Variants in TMEM245 observed in about 807,000 individuals in gnomAD.
TMEM245 encodes transmembrane protein 245.
TMEM245 carries 69 observed loss-of-function variants against 101.2 expected under a neutral mutation model. That is an observed-to-expected ratio of 0.68 (90% confidence interval 0.56 to 0.83). TMEM245 has a LOEUF of 0.83. TMEM245 is among the 40% of genes least tolerant of loss of function. The pLI is 0.00. For missense variants in TMEM245, 1,075 were observed against 1,092.8 expected, an observed-to-expected ratio of 0.98 and a Z score of 0.23; for synonymous variants, 537 against 449.8, an observed-to-expected ratio of 1.19 and a Z score of -2.45.
chr9:109,119,330 C>T lies in TMEM245; in HGVS notation c.579+5G>A. On this transcript the variant is annotated splice_donor_5th_base_variant and intron_variant, in intron 1 of 17. Coordinates refer to ENST00000374586, the MANE Select transcript of TMEM245 (RefSeq NM_032012.4). ...GGGGACGGGGGCGGACTGCCGCTCA[C>T]TCACCCACAGGCTGCTGAAGTAGTC... The T allele has an allele frequency of 6.6e-7, 1 of 1,526,116 alleles. No homozygotes were observed. The highest frequency in any genetic ancestry group is 8.8e-7 in the Non-Finnish European group (1 of 1,141,142). 94.5% of individuals were successfully genotyped at this position (1,526,116 alleles called of 1,614,324 possible).
At chr9:109,029,366 C>A (rs1011427781) in intron 17 of TMEM245, among the ~76,000 whole-genome samples, 2 of 151,948 alleles carry the variant, frequency 1.3e-5, no homozygotes, top group Non-Finnish European at 2.9e-5. Context: ...GGACAGAAAC[C>A]GTAGATAAAC....
At chr9:109,057,042 T>C in intron 12 of TMEM245, 149 bp downstream of exon 12, 1 of 837,512 alleles carries the variant, frequency 1.2e-6, no homozygotes, top group Non-Finnish European at 1.8e-6. Context: ...CTTTTGAACA[T>C]CATCCTAGTG....
chr9:109,036,346 C>G lies in TMEM245; in HGVS notation c.2259G>C (p.Leu753=). 6.2e-7 allele frequency: 1 copy of G among 1,612,146 alleles called. No individual in the cohort carries two copies. Among genetic ancestry groups the G allele is most frequent in the Non-Finnish European group, 8.5e-7 (1 of 1,179,604 alleles). Reference sequence around the variant, plus strand: ...CAGGTACTGCTGCCCAGTATGTCCCCAGGAATGGCACTGCTCCAAGGATTG... The same window carrying G: ...CAGGTACTGCTGCCCAGTATGTCCCGAGGAATGGCACTGCTCCAAGGATTG... ...LAAILGAVPF[L]GTYWAAVPAV... The change falls in exon 16 of 18, where the codon CTG becomes CTC. Residue 753 remains leucine (L), a synonymous_variant. Coordinates refer to ENST00000374586, the MANE Select transcript of TMEM245 (RefSeq NM_032012.4).
At chr9:109,038,291 A>C in intron 14 of TMEM245, 174 bp from the exon 15 acceptor site, 1 of 452,218 alleles carries the variant, frequency 2.2e-6, no homozygotes, top group Non-Finnish European at 3.9e-6. Flanking sequence ...CTTTAAATAC[A>C]TTTACTAAGT....
intron 3 of TMEM245, among the ~76,000 whole-genome samples, chr9:109,094,822 C>T (rs1403812209): frequency 2.6e-5 from 4 of 152,210 alleles, no homozygotes; most frequent in Non-Finnish European, 5.9e-5. Context: ...TGAGACATTA[C>T]TTTTGGTAGG....
In TMEM245 at chr9:109,038,128, C is replaced by CA. The variant is rs759052339; in HGVS notation, c.2124-12dup. ...GCATCAAACACCCCTCTGGAATGCC[C>CA]AAAGATAAAAAGAAAGAGTAAATAA... On this transcript the variant is annotated splice_polypyrimidine_tract_variant and intron_variant, in intron 14 of 17. Coordinates refer to ENST00000374586, the MANE Select transcript of TMEM245 (RefSeq NM_032012.4). The CA allele has an allele frequency of 3.4e-5, 55 of 1,601,580 alleles. No individual in the cohort carries two copies. In the Admixed American group the frequency reaches 5.3e-4, roughly 16 times the overall value.
At position 109,050,236 on chromosome 9, in the gene TMEM245, A is replaced by C. The variant is rs748600039; in HGVS notation, c.2123+47T>G. On this transcript the variant is annotated intron_variant, in intron 14 of 17. Transcript: ENST00000374586. Reference sequence around the variant, plus strand: ...ATGACAAAAAACAGGCTTATCATGGAAAAAAAGTTCTGGGAGAAATAAGAA... The same window carrying C: ...ATGACAAAAAACAGGCTTATCATGGCAAAAAAGTTCTGGGAGAAATAAGAA... 21 of 1,601,170 alleles carry C rather than the reference A, an allele frequency of 1.3e-5. 1 individual carries two copies. The South Asian group carries it at 2.3e-4, about 18-fold the overall frequency.
At chr9:109,063,015 G>A (rs945387786) in intron 10 of TMEM245, among the ~76,000 whole-genome samples, 7 of 152,284 alleles carry the variant, frequency 4.6e-5, no homozygotes, top group East Asian at 3.9e-4. Flanking sequence ...CACAAGTACT[G>A]TTGGTGGTGC....
chr9:109,016,470 T>C lies in TMEM245; in HGVS notation c.*3990A>G, dbSNP rs1054643802. ...TCTGAATTCTGTTACTAACTGGCTG[T>C]ATGTGTATGTCAGACAAGCCACTTA... On this transcript the variant is annotated 3_prime_UTR_variant, in exon 18 of 18. Coordinates refer to ENST00000374586, the MANE Select transcript of TMEM245 (RefSeq NM_032012.4). 6.6e-6 allele frequency: 1 copy of C among 152,214 alleles called. No homozygotes were observed. The highest frequency in any genetic ancestry group is 2.4e-5 in the African/African-American group (1 of 41,458). The allele number at this position is 152,214 out of a possible 1,614,324, so 9.4% of individuals were successfully genotyped here.
intron 9 of TMEM245, among the ~76,000 whole-genome samples, chr9:109,068,020 C>G (rs1259478640): frequency 2.0e-5 from 3 of 152,100 alleles, no homozygotes; most frequent in Non-Finnish European, 2.9e-5. Context: ...CCCCACCTAT[C>G]TGCTGAAAAA....
chr9:109,053,815 C>T (rs1394374338), intron 12 of TMEM245, among the ~76,000 whole-genome samples: 2 of 152,198 alleles, frequency 1.3e-5, no homozygotes, highest in Admixed American at 6.5e-5. Context: ...AGGAAGAGGA[C>T]ATTGCAGGAA....
intron 14 of TMEM245, among the ~76,000 whole-genome samples, chr9:109,049,256 T>G (rs1396734141): frequency 6.6e-6 from 1 of 152,232 alleles, no homozygotes; most frequent in Non-Finnish European, 1.5e-5. Context: ...CTCTGTTGCC[T>G]AGGCTGCAGT....
chr9:109,094,854 T>A lies in TMEM245; in HGVS notation c.800-1263A>T, dbSNP rs577464306. Among the ~76,000 whole-genome samples, 11 of 152,170 alleles carry A rather than the reference T, an allele frequency of 7.2e-5. No homozygotes were observed. In the East Asian group the frequency reaches 1.7e-3, roughly 24 times the overall value. ...TAGGCCAAGACTCCGTATGGCAACATAGGATTCTGTCACCCCAATGAAAAG... is the reference window on the plus strand; with the variant it reads ...TAGGCCAAGACTCCGTATGGCAACAAAGGATTCTGTCACCCCAATGAAAAG... On this transcript the variant is annotated intron_variant, in intron 3 of 17. Coordinates refer to ENST00000374586, the MANE Select transcript of TMEM245 (RefSeq NM_032012.4).
intron 9 of TMEM245, among the ~76,000 whole-genome samples, chr9:109,071,811 G>T (rs1465857855): frequency 6.6e-6 from 1 of 152,180 alleles, no homozygotes; most frequent in African/African-American, 2.4e-5. Flanking sequence ...TTGTTAGGTG[G>T]ATAACACAGC....
Position 109,119,795 on chromosome 9 carries a change from G to A in TMEM245, c.119C>T (p.Ala40Val), listed in dbSNP as rs1161471628. 1.4e-6 allele frequency: 2 copies of A among 1,463,812 alleles called. No homozygotes were observed. Among genetic ancestry groups the A allele is most frequent in the Middle Eastern group, 2.0e-4 (1 of 4,958 alleles). 90.7% of individuals were successfully genotyped at this position (1,463,812 alleles called of 1,614,324 possible). The change falls in exon 1 of 18, where the codon GCG (alanine) becomes GTG (valine). Residue 40 changes from alanine (A) to valine (V), a missense_variant. By Grantham distance (64) the Ala-to-Val change is moderately conservative. This residue lies in a region of TMEM245 where 808 missense variants were observed against 741.5 expected (regional missense o/e 1.09). Transcript: ENST00000374586. The stretch of plus-strand genomic sequence containing the variant: ...CTTGTCGAAGCGCAGCGCCAGCGCC[G>A]CGGTCCGCGGGGTCTCCCCGCCACC... ...SGGGGETPRT[A>V]ALALRFDKPI...
intron 5 of TMEM245, among the ~76,000 whole-genome samples, chr9:109,089,742 G>A (rs1211423821): frequency 6.6e-6 from 1 of 152,140 alleles, no homozygotes; most frequent in African/African-American, 2.4e-5. Flanking sequence ...AACAATAGAG[G>A]TGGGCCTTAA....
chr9:109,046,919 A>G (rs542768915), intron 14 of TMEM245, among the ~76,000 whole-genome samples: 13 of 152,236 alleles, frequency 8.5e-5, no homozygotes, highest in Non-Finnish European at 1.8e-4. Flanking sequence ...CCACAGGAGA[A>G]AGCTCTTCAG....
In TMEM245 at chr9:109,086,324, C is replaced by A. The variant is rs536236267; in HGVS notation, c.1321-304G>T. 5.9e-5 allele frequency among the ~76,000 whole-genome samples: 9 copies of A among 152,320 alleles called. No individual in the cohort carries two copies. The South Asian group carries it at 1.7e-3, about 28-fold the overall frequency. On this transcript the variant is annotated intron_variant, in intron 6 of 17. Coordinates refer to ENST00000374586, the MANE Select transcript of TMEM245 (RefSeq NM_032012.4). ...TTAGTGTCTCCATGCCTTTGCACTGCTCCGTCTGCTTGCCCTTCTGGCCAT... is the reference window on the plus strand; with the variant it reads ...TTAGTGTCTCCATGCCTTTGCACTGATCCGTCTGCTTGCCCTTCTGGCCAT...
Position 109,106,622 on chromosome 9 carries a change from A to G in TMEM245, c.698-13T>C. 6.3e-7 allele frequency: 1 copy of G among 1,578,660 alleles called. No individual in the cohort carries two copies. The highest frequency in any genetic ancestry group is 8.6e-7 in the Non-Finnish European group (1 of 1,156,910). Reference sequence around the variant, plus strand: ...CCAGCCAGGGATGCTGCAAATTATTAAGAATTAACATTTTTAGTGAAATAA... The same window carrying G: ...CCAGCCAGGGATGCTGCAAATTATTGAGAATTAACATTTTTAGTGAAATAA... On this transcript the variant is annotated splice_polypyrimidine_tract_variant and intron_variant, in intron 2 of 17. Coordinates refer to ENST00000374586, the MANE Select transcript of TMEM245 (RefSeq NM_032012.4).
Sources: allele counts gnomAD v4.1 joint callset (sites outside exome capture counted in the v4.1 genomes callset), GRCh38; gene constraint gnomAD v4.1.1; regional missense constraint gnomAD v4.1.1; transcripts MANE v1.5; gene names NCBI Gene and HGNC (gene_info 2026-07-23, HGNC 2026-07-21).